Variants in DYNC1I1 observed in about 807,000 individuals in gnomAD.
DYNC1I1 encodes the protein cytoplasmic dynein 1 intermediate chain 1.
Under a neutral mutation model 86.6 loss-of-function variants are expected in DYNC1I1, and 43 were observed. That is an observed-to-expected ratio of 0.50 (90% CI 0.39 to 0.64). DYNC1I1 has a LOEUF of 0.64. DYNC1I1 is among the 30% of genes least tolerant of loss of function. The pLI, the probability that DYNC1I1 is intolerant of heterozygous loss-of-function variation, is 0.00. For missense variants in DYNC1I1, 604 were observed against 788.8 expected (o/e 0.77, Z 2.81); for synonymous variants, 262 against 283.7 (o/e 0.92, Z 0.77).
At chr7:96,107,747 C>T (rs553496930) in intron 16 of DYNC1I1, among the ~76,000 whole-genome samples, 31 of 151,702 alleles carry the variant, frequency 2.0e-4, no homozygotes, top group African/African-American at 3.1e-4. Context: ...AGGCTGGTCT[C>T]GAACTCCTGA....
At chr7:96,011,392 A>G (rs1264879910) in intron 10 of DYNC1I1, among the ~76,000 whole-genome samples, 1 of 152,204 alleles carries the variant, frequency 6.6e-6, no homozygotes, top group African/African-American at 2.4e-5. Context: ...CCTTTGGACT[A>G]GATTTTCCCA....
chr7:95,827,242 G>T (rs1795220732), intron 4 of DYNC1I1, among the ~76,000 whole-genome samples: 1 of 152,138 alleles, frequency 6.6e-6, no homozygotes, highest in Non-Finnish European at 1.5e-5. Flanking sequence ...TCCATTAGTT[G>T]CCTCTGAGAT....
chr7:95,938,679 A>T (rs531936394), intron 6 of DYNC1I1, among the ~76,000 whole-genome samples: 1 of 152,214 alleles, frequency 6.6e-6, no homozygotes, highest in South Asian at 2.1e-4. Context: ...GTCTGTTGTA[A>T]AGATGTAATG....
intron 6 of DYNC1I1, among the ~76,000 whole-genome samples, chr7:95,872,714 G>A (rs956747557): frequency 2.6e-5 from 4 of 152,066 alleles, no homozygotes; most frequent in Admixed American, 6.6e-5. Context: ...TTCTCTGCAG[G>A]GAAAGAAGGC....
At chr7:95,907,950 TTATG>T (rs1451407940) in intron 6 of DYNC1I1, among the ~76,000 whole-genome samples, 1 of 152,128 alleles carries the variant, frequency 6.6e-6, no homozygotes, top group Non-Finnish European at 1.5e-5. Context: ...TACTTGCAAA[TTATG>T]TAAGTAAATT....
chr7:95,999,624 T>C (rs1316547307), intron 10 of DYNC1I1, among the ~76,000 whole-genome samples: 1 of 152,184 alleles, frequency 6.6e-6, no homozygotes, highest in South Asian at 2.1e-4. Flanking sequence ...ATGACGTTCC[T>C]GCTAACCTCA....
chr7:95,960,700 C>A (rs1440980127), intron 6 of DYNC1I1, among the ~76,000 whole-genome samples: 2 of 152,154 alleles, frequency 1.3e-5, no homozygotes, highest in Non-Finnish European at 2.9e-5. Context: ...TAATGTGGAT[C>A]CAGAAAGTTT....
intron 15 of DYNC1I1, among the ~76,000 whole-genome samples, chr7:96,079,639 A>T (rs1450760697): frequency 1.3e-5 from 2 of 152,244 alleles, no homozygotes; most frequent in East Asian, 3.9e-4. Context: ...TTATTAAAGG[A>T]GATATAAGGC....
rs181007949 is a variant in DYNC1I1, at chr7:96,075,673, C to G, written c.1510-384C>G. ...GGTCGGGACCGCCGGGGCTTCAGAA[C>G]ATCCCCGCGGGTCTGAGCCGGGCCG... On this transcript the variant is annotated intron_variant, in intron 14 of 16. Coordinates refer to ENST00000447467, the MANE Select transcript of DYNC1I1 (RefSeq NM_001135556.2). Among the ~76,000 whole-genome samples, 349 of 152,344 alleles carry G rather than the reference C, an allele frequency of 2.3e-3. 2 individuals carry two copies. Among genetic ancestry groups the G allele is most frequent in the African/African-American group, 8.1e-3 (336 of 41,580 alleles).
intron 1 of DYNC1I1, chr7:95,802,538 T>C (rs906147227): frequency 6.6e-6 from 1 of 152,222 alleles, no homozygotes; most frequent in Admixed American, 6.5e-5. Context: ...TCACTTTTCT[T>C]TTCAAAAATC....
intron 6 of DYNC1I1, among the ~76,000 whole-genome samples, chr7:95,872,500 T>G (rs1165016883): frequency 6.6e-6 from 1 of 152,156 alleles, no homozygotes; most frequent in Non-Finnish European, 1.5e-5. Context: ...CTTTTGAAAA[T>G]GAAGGGGAAG....
At chr7:96,070,732 T>G (rs1178965912) in intron 14 of DYNC1I1, among the ~76,000 whole-genome samples, 1 of 152,176 alleles carries the variant, frequency 6.6e-6, no homozygotes, top group Non-Finnish European at 1.5e-5. Flanking sequence ...AGGAGACATT[T>G]TAATACAAAT....
chr7:96,064,025 A>G (rs1367333623), intron 14 of DYNC1I1, among the ~76,000 whole-genome samples: 1 of 152,162 alleles, frequency 6.6e-6, no homozygotes, highest in African/African-American at 2.4e-5. Flanking sequence ...GGCTTGGCTG[A>G]TGCTGAATGC....
chr7:95,905,771 C>T (rs1791161045), intron 6 of DYNC1I1, among the ~76,000 whole-genome samples: 1 of 151,848 alleles, frequency 6.6e-6, no homozygotes, highest in Admixed American at 6.6e-5. Flanking sequence ...TTTTGCCCAT[C>T]CTTCAAGATT....
intron 16 of DYNC1I1, among the ~76,000 whole-genome samples, chr7:96,082,093 A>G (rs1343197609): frequency 2.0e-5 from 3 of 152,210 alleles, no homozygotes; most frequent in Non-Finnish European, 1.5e-5. Flanking sequence ...TCTTTGGGAA[A>G]GAGAATACCC....
At chr7:96,021,994 A>AT (rs1366772330) in intron 10 of DYNC1I1, among the ~76,000 whole-genome samples, 1 of 152,042 alleles carries the variant, frequency 6.6e-6, no homozygotes, top group Non-Finnish European at 1.5e-5. Context: ...GTGTAGACAT[A>AT]TTTTTTCAAT....
At chr7:95,993,785 G>T (rs1793789715) in intron 9 of DYNC1I1, among the ~76,000 whole-genome samples, 1 of 152,072 alleles carries the variant, frequency 6.6e-6, no homozygotes, top group Admixed American at 6.5e-5. Flanking sequence ...AGAAAAAAAA[G>T]ATCTGTGTTC....
chr7:96,004,731 A>G (rs1368620263), intron 10 of DYNC1I1, among the ~76,000 whole-genome samples: 1 of 152,144 alleles, frequency 6.6e-6, no homozygotes, highest in African/African-American at 2.4e-5. Flanking sequence ...AGAGAATTAT[A>G]GTAACATTGA....
chr7:95,925,386 G>A (rs1791716956), intron 6 of DYNC1I1, among the ~76,000 whole-genome samples: 1 of 152,094 alleles, frequency 6.6e-6, no homozygotes, highest in Non-Finnish European at 1.5e-5. Context: ...TGAGGCATTG[G>A]CTCTTCAACA....
Sources: gnomAD v4.1 joint callset for allele counts (sites outside exome capture counted in the v4.1 genomes callset) on GRCh38, gnomAD v4.1.1 for gene constraint, MANE v1.5 for transcripts, NCBI Gene and HGNC (gene_info 2026-07-23, HGNC 2026-07-21) for gene names.